The following DDX23 variants were observed in gnomAD, a reference collection of about 807,000 sequenced individuals.
DDX23 encodes probable ATP-dependent RNA helicase DDX23.
DDX23 carries 33 observed loss-of-function variants against 102.7 expected under a neutral mutation model. The ratio of observed to expected loss-of-function variants is 0.32; its 90% CI spans 0.24 to 0.43. The LOEUF is 0.43. Ranked by LOEUF, DDX23 falls within the 20% of genes least tolerant of loss-of-function variation. The pLI, the probability that DDX23 is intolerant of heterozygous loss-of-function variation, is 1.00. For missense variants in DDX23, 549 were observed against 1,086.6 expected (o/e 0.51, Z 6.96); for synonymous variants, 352 against 376.0 (o/e 0.94, Z 0.74).
rs1406816321 is a variant in DDX23 at position 48,830,607 on chromosome 12, C to A, written c.2325G>T (p.Val775=). The A allele has an allele frequency of 6.2e-7, 1 of 1,614,178 alleles. No homozygotes were observed. Among genetic ancestry groups the A allele is most frequent in the East Asian group, 2.2e-5 (1 of 44,882 alleles). ...ITFLTKEDSA[V]FYELKQAILE... Reference sequence around the variant, plus strand: ...GGATAGCTTGCTTCAGCTCGTAGAACACAGCAGAGTCCTCTTTTGTGAGGA... The same window carrying A: ...GGATAGCTTGCTTCAGCTCGTAGAAAACAGCAGAGTCCTCTTTTGTGAGGA... The change falls in exon 17 of 17, where the codon GTG becomes GTT. Residue 775 remains valine (V), a synonymous_variant. Coordinates refer to ENST00000308025, the MANE Select transcript of DDX23 (RefSeq NM_004818.3). This position sits in a 1 kb window ranked among gnomAD's most constrained non-coding sequence, Gnocchi z 4.9.
chr12:48,839,579 AAAAAAG>A, intron 5 of DDX23: 1 of 292,534 alleles, frequency 3.4e-6, no homozygotes, highest in Admixed American at 4.7e-5. Flanking sequence ...AAAAAAAAAA[AAAAAAG>A]GGCCTTTTAG....
At chr12:48,842,009 TGAG>T (rs1265716302) in intron 3 of DDX23, among the ~76,000 whole-genome samples, 1 of 144,624 alleles carries the variant, frequency 6.9e-6, no homozygotes, top group African/African-American at 2.6e-5. Flanking sequence ...GTCTGAGAAG[TGAG>T]GAGACCCTCT....
Position 48,844,052 on chromosome 12 carries a change from TGGAAGACC to T in DDX23, c.210-10_210-3del, listed in dbSNP as rs779292026. ...TCTCGTTCTTTGTGCCGTCGTTCTC[TGGAAGACC>T]GCAAATTTAAGAGTTCACTTGGTAT... On this transcript the variant is annotated splice_region_variant and splice_polypyrimidine_tract_variant and intron_variant, in intron 2 of 16. Transcript: ENST00000308025. 6.8e-6 allele frequency: 11 copies of T among 1,613,992 alleles called. No individual in the cohort carries two copies. In the Admixed American group the frequency reaches 1.8e-4, roughly 27 times the overall value.
chr12:48,850,594 G>T (rs1938740885), intron 1 of DDX23, among the ~76,000 whole-genome samples: 1 of 152,144 alleles, frequency 6.6e-6, no homozygotes, highest in Non-Finnish European at 1.5e-5. Flanking sequence ...AAATAGAGAA[G>T]AAGCTCCAGA....
rs1391399051 is a variant in DDX23 at position 48,837,633 on chromosome 12, C to T, written c.644G>A (p.Arg215Gln). The change falls in exon 7 of 17, where the codon CGG (arginine) becomes CAG (glutamine). Residue 215 changes from arginine to glutamine, a missense_variant. Arg to Gln is a conservative substitution (Grantham distance 43). Transcript: ENST00000308025. ...MLEDPQERER[R>Q]ERRERMERET... ...CCGTTCCATCCTCTCCCTGCGTTCC[C>T]GACGTTCCCGTTCCTGAGGATCTTC... 3.7e-6 allele frequency: 6 copies of T among 1,613,940 alleles called. No homozygotes were observed. The highest frequency in any genetic ancestry group is 1.1e-5 in the South Asian group (1 of 91,076).
At chr12:48,843,553 T>C (rs901506190) in intron 3 of DDX23, among the ~76,000 whole-genome samples, 4 of 146,182 alleles carry the variant, frequency 2.7e-5, no homozygotes, top group Non-Finnish European at 4.5e-5. Context: ...CTTTCTTTTT[T>C]TTTTTTTTTT....
At chr12:48,846,882 T>C (rs1382906034) in intron 1 of DDX23, among the ~76,000 whole-genome samples, 1 of 152,144 alleles carries the variant, frequency 6.6e-6, no homozygotes, top group Non-Finnish European at 1.5e-5. Flanking sequence ...CACTGTCAAC[T>C]CTTCTTTGGG....
chr12:48,840,773 G>A (rs969297328), intron 3 of DDX23, among the ~76,000 whole-genome samples: 1 of 151,106 alleles, frequency 6.6e-6, no homozygotes, highest in African/African-American at 2.4e-5. Context: ...GGCTGGTCTC[G>A]AACTCTTGAC....
chr12:48,845,681 C>T lies in DDX23; in HGVS notation c.102G>A (p.Arg34=). 6.2e-7 allele frequency: 1 copy of T among 1,614,222 alleles called. No individual in the cohort carries two copies. Among genetic ancestry groups the T allele is most frequent in the Non-Finnish European group, 8.5e-7 (1 of 1,180,036 alleles). ...RTPDRERDRD[R]DRKSSPSKDR... is the part of the protein sequence containing the mutation. The stretch of plus-strand genomic sequence containing the variant: ...CTTTAGATGGGGAAGACTTCCGGTC[C>T]CGGTCTCTATCCCGCTCTCTGTCAG... Residue 34 remains arginine, a synonymous_variant, in exon 2 of 17, where the codon CGG becomes CGA. Transcript: ENST00000308025.
At chr12:48,838,117 G>A in intron 5 of DDX23, 37 bp from the exon 6 acceptor site, 1 of 1,613,030 alleles carries the variant, frequency 6.2e-7, no homozygotes, top group Non-Finnish European at 8.5e-7. Context: ...AAAGGATCTG[G>A]GAGCAGGGTA....
intron 3 of DDX23, among the ~76,000 whole-genome samples, chr12:48,842,307 T>C (rs1381001668): frequency 7.4e-6 from 1 of 134,312 alleles, no homozygotes. Flanking sequence ...AGCCGCCCTG[T>C]CCGGGAGGTG....
intron 15 of DDX23, 30 bp from the exon 16 acceptor site, chr12:48,831,346 A>C: frequency 6.2e-7 from 1 of 1,611,488 alleles, no homozygotes; most frequent in Admixed American, 1.7e-5. Flanking sequence ...GTGAAGAGTG[A>C]GCAATGCAAT....
At chr12:48,842,413 C>A (rs985174937) in intron 3 of DDX23, among the ~76,000 whole-genome samples, 4 of 143,030 alleles carry the variant, frequency 2.8e-5, no homozygotes, top group African/African-American at 1.0e-4. Context: ...GAGGTCAGCC[C>A]CCCGCCCGGC....
intron 1 of DDX23, among the ~76,000 whole-genome samples, chr12:48,848,036 AGCACTT>A (rs1318439107): frequency 4.6e-5 from 7 of 152,232 alleles, no homozygotes; most frequent in Non-Finnish European, 8.8e-5. Flanking sequence ...CTATAATCCC[AGCACTT>A]TGGGAGGCTG....
rs1479322657 is a variant in DDX23, at chr12:48,830,104, G to A, written c.*365C>T. On this transcript the variant is annotated 3_prime_UTR_variant, in exon 17 of 17. Transcript: ENST00000308025. This position sits in a 1 kb window ranked among gnomAD's most constrained non-coding sequence, Gnocchi z 4.9. ...GCAGTTTATGCAGTTACACAGTCAA[G>A]TCTGTGCCAAAGGAGGTCCCATCCG... 2.3e-6 allele frequency: 1 copy of A among 432,566 alleles called. No homozygotes were observed. Among genetic ancestry groups the A allele is most frequent in the Non-Finnish European group, 4.5e-6 (1 of 220,370 alleles). The allele number at this position is 432,566 out of a possible 1,614,324, so 26.8% of individuals were successfully genotyped here. A position where few individuals can be genotyped will look rare whatever the true frequency, so the allele number is the denominator to read the frequency against.
In DDX23 at chr12:48,830,309, G is replaced by GC. The variant is rs1334821711; in HGVS notation, c.*159dup. On this transcript the variant is annotated 3_prime_UTR_variant, in exon 17 of 17. Transcript: ENST00000308025. The surrounding 1 kb of genome is among the most constrained non-coding windows in gnomAD (Gnocchi z 4.9). The stretch of plus-strand genomic sequence containing the variant: ...GTCCTCTCCTTTTGCAGCCCCACAC[G>GC]CAGGCCTCCTGACCTGAGGGTCTGG... The GC allele has an allele frequency of 1.1e-6, 1 of 877,556 alleles. No homozygotes were observed. The highest frequency in any genetic ancestry group is 1.7e-5 in the African/African-American group (1 of 60,314). The allele number at this position is 877,556 out of a possible 1,614,324, so 54.4% of individuals were successfully genotyped here.
Position 48,830,773 on chromosome 12 carries a change from T to A in DDX23, c.2240-81A>T. 1 of 1,388,356 alleles carries A rather than the reference T, an allele frequency of 7.2e-7. No individual in the cohort carries two copies. The highest frequency in any genetic ancestry group is 2.2e-5 in the Admixed American group (1 of 45,830). The allele number at this position is 1,388,356 out of a possible 1,614,324, so 86.0% of individuals were successfully genotyped here. ...TCTGATGCCTCCACTTCTAGAGGCA[T>A]CCTTCCCACCCCATCTCCAAAGGCA... On this transcript the variant is annotated intron_variant, in intron 16 of 16. Transcript: ENST00000308025. The surrounding 1 kb of genome is among the most constrained non-coding windows in gnomAD (Gnocchi z 4.9).
At chr12:48,843,736 G>C (rs1286133036) in intron 3 of DDX23, among the ~76,000 whole-genome samples, 4 of 151,894 alleles carry the variant, frequency 2.6e-5, no homozygotes, top group Non-Finnish European at 4.4e-5. Context: ...ATTTAGTAGA[G>C]ACGGGGTTTC....
chr12:48,835,411 A>G (rs1938455835), intron 11 of DDX23, among the ~76,000 whole-genome samples: 2 of 152,102 alleles, frequency 1.3e-5, no homozygotes, highest in Non-Finnish European at 2.9e-5. Context: ...CATCTCTACT[A>G]AAAATGTAAA....
Sources: allele counts gnomAD v4.1 joint callset (sites outside exome capture counted in the v4.1 genomes callset), GRCh38; gene constraint gnomAD v4.1.1; non-coding constraint Gnocchi (gnomAD v3.1); transcripts MANE v1.5; gene names NCBI Gene and HGNC (gene_info 2026-07-23, HGNC 2026-07-21).